Variants in DPF3 observed in about 807,000 individuals in gnomAD.
The protein encoded by DPF3 is double PHD fingers 3, also known as zinc finger protein DPF3.
DPF3 carries 18 observed loss-of-function variants against 56.8 expected under a neutral mutation model. The ratio of observed to expected loss-of-function variants is 0.32; its 90% CI spans 0.22 to 0.47. The LOEUF (loss-of-function observed/expected upper bound fraction) is 0.47, where lower values mean the gene tolerates loss of function less well. Among genes scored for constraint, DPF3 ranks in the 20% least tolerant of loss-of-function variants. The probability of loss-of-function intolerance (pLI) is 1.00; values close to 1 mark genes in which losing one functional copy is unlikely to be tolerated. For missense variants in DPF3, 403 were observed against 488.8 expected (o/e 0.82, Z 1.65); for synonymous variants, 188 against 180.2 (o/e 1.04, Z -0.35).
At chr14:72,892,607 C>G in intron 1 of DPF3, 1 of 1,227,138 alleles carries the variant, frequency 8.1e-7, no homozygotes, top group Non-Finnish European at 1.0e-6. Flanking sequence ...GGGAGCGAAC[C>G]TGGTTTTCAA....
At position 72,612,549 on chromosome 14, in the gene DPF3, C is replaced by G; in HGVS notation, c.*6748G>C. ...CTTCCCACTTCCCACCTCCACCCCA[C>G]TCCTTAGCATCTATCACGGCAGAGG... On this transcript the variant is annotated 3_prime_UTR_variant, in exon 11 of 11. Coordinates refer to ENST00000556509, the MANE Select transcript of DPF3 (RefSeq NM_001280542.3). The G allele has an allele frequency of 1.9e-6, 1 of 516,048 alleles. No homozygotes were observed. Among genetic ancestry groups the G allele is most frequent in the Non-Finnish European group, 3.9e-6 (1 of 259,610 alleles). 32.0% of individuals were successfully genotyped at this position (516,048 alleles called of 1,614,324 possible). A position where few individuals can be genotyped will look rare whatever the true frequency, so the allele number is the denominator to read the frequency against.
At chr14:72,879,845 T>C (rs1886259846) in intron 1 of DPF3, 1 of 1,535,612 alleles carries the variant, frequency 6.5e-7, no homozygotes, top group East Asian at 2.4e-5. Context: ...AGATGGGCTC[T>C]TCCAGGTCTG....
intron 5 of DPF3, among the ~76,000 whole-genome samples, chr14:72,720,798 G>A (rs1889138458): frequency 6.6e-6 from 1 of 152,094 alleles, no homozygotes; most frequent in African/African-American, 2.4e-5. Context: ...AATAGTACCA[G>A]CTTGTGGAAA....
chr14:72,734,318 A>C (rs1212257005), intron 3 of DPF3, among the ~76,000 whole-genome samples: 2 of 152,222 alleles, frequency 1.3e-5, no homozygotes, highest in African/African-American at 4.8e-5. Context: ...TGTATGATGA[A>C]GTTACATTTA....
chr14:72,774,592 G>T (rs1298484764), intron 1 of DPF3, among the ~76,000 whole-genome samples: 2 of 152,008 alleles, frequency 1.3e-5, no homozygotes, highest in African/African-American at 4.8e-5. Flanking sequence ...AGCTTCTGAG[G>T]CATCATTTGG....
Position 72,674,360 on chromosome 14 carries a change from C to G in DPF3, c.751G>C (p.Gly251Arg). Residue 251 changes from glycine to arginine, a missense_variant, in exon 8 of 11, where the codon GGA becomes CGA. Transcript: ENST00000556509. The stretch of plus-strand genomic sequence containing the variant: ...TTGGGAATGACTGTTCCATCCGGTC[C>G]TTTCTGGGCTGTGGGAACATTTAAA... The part of the protein sequence containing the change: ...HRNENHRPQK[G>R]PDGTVIPNNY... 6.2e-7 allele frequency: 1 copy of G among 1,612,518 alleles called. No individual in the cohort carries two copies. The highest frequency in any genetic ancestry group is 8.5e-7 in the Non-Finnish European group (1 of 1,179,422).
intron 1 of DPF3, among the ~76,000 whole-genome samples, chr14:72,784,022 C>A (rs558893172): frequency 6.6e-6 from 1 of 152,136 alleles, no homozygotes; most frequent in Non-Finnish European, 1.5e-5. Context: ...GGGGCCTCTG[C>A]CCTCCTGTCA....
chr14:72,858,340 AC>A (rs1247010015), intron 1 of DPF3, among the ~76,000 whole-genome samples: 2 of 149,090 alleles, frequency 1.3e-5, no homozygotes, highest in Non-Finnish European at 3.0e-5. Context: ...GGTGTGTCCA[AC>A]TCCAGGCTTG....
rs1242201789 is a variant in DPF3 at position 72,893,006 on chromosome 14, AGGAAGGAAGGAAGGAAGGAT to A, written c.32+1031_32+1050del. 3.5e-3 allele frequency among the ~76,000 whole-genome samples: 432 copies of A among 123,846 alleles called. 6 individuals carry two copies. Among genetic ancestry groups the A allele is most frequent in the Middle Eastern group, 0.017 (4 of 240 alleles). The allele number at this position is 123,846 out of a possible 152,430, so 81.2% of individuals were successfully genotyped here. ...AAGGAAGGAAGGAAGGAAGGAAGGA[AGGAAGGAAGGAAGGAAGGAT>A]GAAAAGGAGGAGGAAGGCAGGCAGG... On this transcript the variant is annotated intron_variant, in intron 1 of 10. Coordinates refer to ENST00000556509, the MANE Select transcript of DPF3 (RefSeq NM_001280542.3).
chr14:72,725,382 G>C (rs1889360838), intron 4 of DPF3, among the ~76,000 whole-genome samples: 1 of 152,230 alleles, frequency 6.6e-6, no homozygotes, highest in Admixed American at 6.5e-5. Flanking sequence ...GAGCTGAGAA[G>C]TTGAGATGTG....
In DPF3 at chr14:72,718,662, G is replaced by A. The variant is rs187147515; in HGVS notation, c.526-4161C>T. On this transcript the variant is annotated intron_variant, in intron 5 of 10. Coordinates refer to ENST00000556509, the MANE Select transcript of DPF3 (RefSeq NM_001280542.3). ...ATTTCTAAAATGGCAAATATCATTA[G>A]TGGTATGAATATTACTGGTTATAAC... 4.9e-4 allele frequency among the ~76,000 whole-genome samples: 75 copies of A among 152,126 alleles called. 1 individual carries two copies. Among genetic ancestry groups the A allele is most frequent in the African/African-American group, 1.7e-3 (72 of 41,494 alleles).
chr14:72,637,248 C>G (rs557177976), intron 8 of DPF3, among the ~76,000 whole-genome samples: 1 of 152,318 alleles, frequency 6.6e-6, no homozygotes, highest in East Asian at 1.9e-4. Context: ...TGGATCTACA[C>G]CTGTCTATAA....
At chr14:72,745,318 C>T (rs1890282755) in intron 3 of DPF3, among the ~76,000 whole-genome samples, 1 of 151,952 alleles carries the variant, frequency 6.6e-6, no homozygotes, top group Non-Finnish European at 1.5e-5. Context: ...TAACATCTCT[C>T]CATATTTTTT....
chr14:72,670,820 C>T (rs1886638953), intron 8 of DPF3: 19 of 1,120,070 alleles, frequency 1.7e-5, no homozygotes, highest in Non-Finnish European at 2.1e-5. Flanking sequence ...AAGACCCCCT[C>T]CCCTCAGAAA....
At chr14:72,831,349 A>G (rs1207541844) in intron 1 of DPF3, among the ~76,000 whole-genome samples, 1 of 151,854 alleles carries the variant, frequency 6.6e-6, no homozygotes, top group Admixed American at 6.6e-5. Flanking sequence ...AGCTCTCCCA[A>G]GGGAAAAAAA....
chr14:72,662,301 G>T (rs1025678757), intron 8 of DPF3: 47 of 984,812 alleles, frequency 4.8e-5, no homozygotes, highest in Non-Finnish European at 5.5e-5. Context: ...TTTTTCTTTA[G>T]AGTTAATATG....
rs1481167167 is a variant in DPF3, at chr14:72,616,904, G to T, written c.*2393C>A. On this transcript the variant is annotated 3_prime_UTR_variant, in exon 11 of 11. Coordinates refer to ENST00000556509, the MANE Select transcript of DPF3 (RefSeq NM_001280542.3). ...ACAGTGCCAGCCCACAAGCTGGCTT[G>T]CTATCCCCGCTTTCCAGATGGGGAA... 6.6e-6 allele frequency among the ~76,000 whole-genome samples: 1 copy of T among 152,182 alleles called. No homozygotes were observed. The highest frequency in any genetic ancestry group is 1.5e-5 in the Non-Finnish European group (1 of 68,032).
intron 8 of DPF3, among the ~76,000 whole-genome samples, chr14:72,640,755 G>C (rs1488785017): frequency 6.6e-6 from 1 of 152,172 alleles, no homozygotes; most frequent in East Asian, 1.9e-4. Context: ...TCCATTAATT[G>C]TGCAGATGAA....
At chr14:72,743,778 T>TG (rs1404979073) in intron 3 of DPF3, among the ~76,000 whole-genome samples, 1 of 152,198 alleles carries the variant, frequency 6.6e-6, no homozygotes, top group East Asian at 1.9e-4. Flanking sequence ...GCCCTTTTCC[T>TG]GGGGAGATGG....
Sources: gnomAD v4.1 joint callset for allele counts (sites outside exome capture counted in the v4.1 genomes callset) on GRCh38, gnomAD v4.1.1 for gene constraint, MANE v1.5 for transcripts, NCBI Gene and HGNC (gene_info 2026-07-23, HGNC 2026-07-21) for gene names.